UNC5C: variants seen among roughly 807,000 people sequenced by gnomAD.
UNC5C encodes unc-5 netrin receptor C, also known as netrin receptor UNC5C.
UNC5C carries 47 observed loss-of-function variants against 99.8 expected under a neutral mutation model. The ratio of observed to expected loss-of-function variants is 0.47; its 90% CI spans 0.37 to 0.60. UNC5C has a LOEUF of 0.60. Among genes scored for constraint, UNC5C ranks in the 20% least tolerant of loss-of-function variants. The pLI, the probability that UNC5C is intolerant of heterozygous loss-of-function variation, is 0.00. For synonymous variants in UNC5C, 487 were observed against 452.2 expected (o/e 1.08, Z -0.98); for missense variants, 1,062 against 1,165.9 (o/e 0.91, Z 1.30).
chr4:95,503,344 T>G (rs1262415133), intron 1 of UNC5C, among the ~76,000 whole-genome samples: 2 of 152,144 alleles, frequency 1.3e-5, no homozygotes, highest in Non-Finnish European at 2.9e-5. Flanking sequence ...CTGTGAACTT[T>G]TTTTCTTTTT....
intron 1 of UNC5C, among the ~76,000 whole-genome samples, chr4:95,373,644 G>A (rs929260546): frequency 2.6e-4 from 40 of 152,288 alleles, no homozygotes; most frequent in African/African-American, 9.4e-4. Flanking sequence ...CACTAGCACA[G>A]CAACTGGCAC....
chr4:95,253,571 C>T (rs555673066), intron 4 of UNC5C, among the ~76,000 whole-genome samples: 1 of 152,230 alleles, frequency 6.6e-6, no homozygotes, highest in African/African-American at 2.4e-5. Context: ...CCCTTAACTC[C>T]CACTTGAATC....
chr4:95,468,941 G>T (rs1002940574), intron 1 of UNC5C, among the ~76,000 whole-genome samples: 1 of 152,118 alleles, frequency 6.6e-6, no homozygotes, highest in African/African-American at 2.4e-5. Flanking sequence ...CACAAAAGGG[G>T]TTCTCTTTGC....
chr4:95,417,697 G>A (rs961236705), intron 1 of UNC5C, among the ~76,000 whole-genome samples: 1 of 152,166 alleles, frequency 6.6e-6, no homozygotes, highest in African/African-American at 2.4e-5. Context: ...CAGGCACAAA[G>A]GGAATGAGTA....
At position 95,309,757 on chromosome 4, in the gene UNC5C, A is replaced by G. The variant is rs569030025; in HGVS notation, c.347-8008T>C. Among the ~76,000 whole-genome samples the G allele has an allele frequency of 2.0e-5, 3 of 152,300 alleles. No homozygotes were observed. In the East Asian group the frequency reaches 5.8e-4, roughly 29 times the overall value. On this transcript the variant is annotated intron_variant, in intron 2 of 15. Coordinates refer to ENST00000453304, the MANE Select transcript of UNC5C (RefSeq NM_003728.4). The stretch of plus-strand genomic sequence containing the variant: ...CCTCACACCTGGAAGAATGGCTACT[A>G]TCAAAAAGACAAAAGATAACAAGTG...
At chr4:95,366,876 C>T (rs1744589128) in intron 1 of UNC5C, among the ~76,000 whole-genome samples, 1 of 152,160 alleles carries the variant, frequency 6.6e-6, no homozygotes, top group Non-Finnish European at 1.5e-5. Flanking sequence ...TCTGTTTTTG[C>T]CCAAGTATAA....
chr4:95,514,670 C>T (rs567779452), intron 1 of UNC5C, among the ~76,000 whole-genome samples: 3 of 148,424 alleles, frequency 2.0e-5, no homozygotes, highest in Non-Finnish European at 3.0e-5. Context: ...CATATATACA[C>T]ATATATATAT....
intron 1 of UNC5C, among the ~76,000 whole-genome samples, chr4:95,460,828 C>G (rs549674726): frequency 6.6e-6 from 1 of 152,254 alleles, no homozygotes; most frequent in Admixed American, 6.5e-5. Context: ...GATACTTCAT[C>G]ACATTCCTGG....
intron 1 of UNC5C, among the ~76,000 whole-genome samples, chr4:95,346,134 T>C (rs1743762971): frequency 6.6e-6 from 1 of 151,942 alleles, no homozygotes; most frequent in Non-Finnish European, 1.5e-5. Flanking sequence ...CAAAGGATCA[T>C]TGGAGTCTAC....
chr4:95,192,411 C>T (rs1424593673), intron 12 of UNC5C, among the ~76,000 whole-genome samples: 8 of 119,718 alleles, frequency 6.7e-5, no homozygotes, highest in Non-Finnish European at 1.7e-5. Context: ...CCTCCTCCCC[C>T]CTTCTCACCT....
intron 1 of UNC5C, among the ~76,000 whole-genome samples, chr4:95,517,552 G>C (rs1290548806): frequency 6.6e-6 from 1 of 152,080 alleles, no homozygotes; most frequent in Admixed American, 6.5e-5. Context: ...TCAGGATAAA[G>C]ATAACAATTT....
At chr4:95,410,320 G>T (rs1745943656) in intron 1 of UNC5C, among the ~76,000 whole-genome samples, 1 of 151,902 alleles carries the variant, frequency 6.6e-6, no homozygotes, top group Non-Finnish European at 1.5e-5. Context: ...CTCCTACTAG[G>T]TCCCAGTCTC....
chr4:95,243,666 T>C (rs1739404216), intron 6 of UNC5C, among the ~76,000 whole-genome samples: 1 of 152,218 alleles, frequency 6.6e-6, no homozygotes. Context: ...CAAATTATTA[T>C]GTAAATATAT....
At chr4:95,373,048 C>T (rs978639423) in intron 1 of UNC5C, among the ~76,000 whole-genome samples, 1 of 152,128 alleles carries the variant, frequency 6.6e-6, no homozygotes, top group African/African-American at 2.4e-5. Context: ...GATTCAACTC[C>T]TACAACGTCT....
At chr4:95,298,862 C>T (rs991157154) in intron 3 of UNC5C, among the ~76,000 whole-genome samples, 1 of 151,916 alleles carries the variant, frequency 6.6e-6, no homozygotes, top group Admixed American at 6.6e-5. Context: ...CAAACATATA[C>T]ATATATATGT....
chr4:95,187,224 CATAATT>C (rs1395091912), intron 12 of UNC5C, among the ~76,000 whole-genome samples: 1 of 152,128 alleles, frequency 6.6e-6, no homozygotes, highest in African/African-American at 2.4e-5. Context: ...AGAAAAGAAA[CATAATT>C]AGAAATCTTT....
At chr4:95,508,600 G>A (rs957662608) in intron 1 of UNC5C, among the ~76,000 whole-genome samples, 1 of 151,742 alleles carries the variant, frequency 6.6e-6, no homozygotes, top group Admixed American at 6.6e-5. Flanking sequence ...CTCTTTCTTT[G>A]ATGTGTTTTC....
intron 1 of UNC5C, among the ~76,000 whole-genome samples, chr4:95,545,770 G>GCGCA (rs1434227809): frequency 1.5e-5 from 2 of 130,510 alleles, no homozygotes; most frequent in African/African-American, 6.6e-5. Flanking sequence ...ACGCGCGCGC[G>GCGCA]CGCACACACA....
intron 1 of UNC5C, among the ~76,000 whole-genome samples, chr4:95,482,558 A>AT (rs1721193163): frequency 6.7e-6 from 1 of 149,684 alleles, no homozygotes; most frequent in African/African-American, 2.5e-5. Context: ...ACACATGCAC[A>AT]CGTATGTTTA....
Sources: gnomAD v4.1 joint callset for allele counts (sites outside exome capture counted in the v4.1 genomes callset) on GRCh38, gnomAD v4.1.1 for gene constraint, MANE v1.5 for transcripts, NCBI Gene and HGNC (gene_info 2026-07-23, HGNC 2026-07-21) for gene names.